The following SLC26A2 variants were observed in gnomAD, a reference collection of about 807,000 sequenced individuals.
SLC26A2 encodes the protein sulfate transporter.
A neutral mutation model predicts 41.1 loss-of-function variants in SLC26A2; 36 were observed. The ratio of observed to expected loss-of-function variants is 0.88; its 90% CI spans 0.67 to 1.16. SLC26A2 has a LOEUF of 1.16. SLC26A2 is among the 50% of genes most tolerant of loss of function. The pLI, the probability that SLC26A2 is intolerant of heterozygous loss-of-function variation, is 0.00. For synonymous variants in SLC26A2, 291 were observed against 311.6 expected (o/e 0.93, Z 0.70); for missense variants, 796 against 869.6 (o/e 0.92, Z 1.07).
chr5:149,978,112 T>C lies in SLC26A2; in HGVS notation c.460T>C (p.Leu154=). The C allele has an allele frequency of 6.2e-7, 1 of 1,603,338 alleles. No homozygotes were observed. Among genetic ancestry groups the C allele is most frequent in the Non-Finnish European group, 8.5e-7 (1 of 1,173,990 alleles). Residue 154 remains leucine (L), a synonymous_variant, in exon 2 of 3, where the codon TTG becomes CTG. Transcript: ENST00000286298. ...TTTTGCCAGCATCATTTATTTTCTCTTGGGTACCTCCCGTCACATCTCTGT... is the reference window on the plus strand; with the variant it reads ...TTTTGCCAGCATCATTTATTTTCTCCTGGGTACCTCCCGTCACATCTCTGT... The part of the protein sequence containing the change: ...SFFASIIYFL[L]GTSRHISVGI...
At chr5:149,963,082 ATATTTATT>A (rs141212500) in intron 1 of SLC26A2, among the ~76,000 whole-genome samples, 38 of 138,116 alleles carry the variant, frequency 2.8e-4, no homozygotes, top group South Asian at 1.8e-3. Context: ...CAGTGGTGCT[ATATTTATT>A]TATTTATTTA....
At chr5:149,979,423 T>G (rs993114669) in intron 2 of SLC26A2, among the ~76,000 whole-genome samples, 2 of 152,124 alleles carry the variant, frequency 1.3e-5, no homozygotes, top group African/African-American at 4.8e-5. Flanking sequence ...TATTTATTAT[T>G]TATTCATTTA....
Position 149,978,186 on chromosome 5 carries a change from A to G in SLC26A2, c.534A>G (p.Arg178=), listed in dbSNP as rs771009834. The change falls in exon 2 of 3, where the codon CGA becomes CGG. Residue 178 remains arginine, a synonymous_variant. Transcript: ENST00000286298. ...TTATGATTGGTGAGACAGTTGACCG[A>G]GAACTACAGAAAGCTGGCTATGACA... is the stretch of plus-strand genomic sequence containing the variant. ...LCLMIGETVD[R]ELQKAGYDNA... 1.2e-6 allele frequency: 2 copies of G among 1,613,026 alleles called. No homozygotes were observed. The highest frequency in any genetic ancestry group is 3.3e-5 in the Admixed American group (2 of 59,990).
chr5:149,975,358 T>C (rs1003469774), intron 1 of SLC26A2, among the ~76,000 whole-genome samples: 2 of 152,238 alleles, frequency 1.3e-5, no homozygotes, highest in Non-Finnish European at 2.9e-5. Context: ...TTACTTTCTA[T>C]GTGAATTTTT....
rs753193118 is a variant in SLC26A2, at chr5:149,977,944, T to C, written c.292T>C (p.Trp98Arg). The change falls in exon 2 of 3, where the codon TGG becomes CGG. Residue 98 changes from tryptophan to arginine, a missense_variant. Physicochemically the swap from Trp to Arg is moderately radical, Grantham distance 101. Coordinates refer to ENST00000286298, the MANE Select transcript of SLC26A2 (RefSeq NM_000112.4). Reference protein sequence around the residue: ...MILGFLPVLQWLPKYDLKKNI... With the variant: ...MILGFLPVLQRLPKYDLKKNI... ...TTTAGGTTTCCTTCCTGTTTTGCAG[T>C]GGCTCCCAAAATACGACCTAAAGAA... 21 of 1,614,120 alleles carry C rather than the reference T, an allele frequency of 1.3e-5. No individual in the cohort carries two copies. Among genetic ancestry groups the C allele is most frequent in the Non-Finnish European group, 1.6e-5 (19 of 1,180,038 alleles).
Position 149,982,045 on chromosome 5 carries a change from G to A in SLC26A2, c.*232G>A. 7.4e-6 allele frequency: 4 copies of A among 540,712 alleles called. No individual in the cohort carries two copies. Among genetic ancestry groups the A allele is most frequent in the South Asian group, 6.8e-5 (3 of 43,846 alleles). The allele number at this position is 540,712 out of a possible 1,614,324, so 33.5% of individuals were successfully genotyped here. ...TTTCAGGCTTTCTTGCAGATATGAA[G>A]TATTCTTGGAATGCAATAAGTATGT... On this transcript the variant is annotated 3_prime_UTR_variant, in exon 3 of 3. Transcript: ENST00000286298.
Position 149,977,958 on chromosome 5 carries a change from C to T in SLC26A2, c.306C>T (p.Tyr102=), listed in dbSNP as rs768809642. ...FLPVLQWLPK[Y]DLKKNILGDV... is the part of the protein sequence containing the mutation. ...CTGTTTTGCAGTGGCTCCCAAAATA[C>T]GACCTAAAGAAAAACATTTTAGGGG... The change falls in exon 2 of 3, where the codon TAC becomes TAT. Residue 102 remains tyrosine, a synonymous_variant. Transcript: ENST00000286298. 17 of 1,614,186 alleles carry T rather than the reference C, an allele frequency of 1.1e-5. No individual in the cohort carries two copies. Among genetic ancestry groups the T allele is most frequent in the Middle Eastern group, 1.6e-4 (1 of 6,062 alleles).
At position 149,981,108 on chromosome 5, in the gene SLC26A2, G is replaced by A; in HGVS notation, c.1515G>A (p.Trp505Ter). ...AATTTAGGGATCTTCCCAAAATGTG[G>A]AGTATTAGTAGAATGGATACAGTTA... ...LRKFRDLPKM[W>*]SISRMDTVIW... The change falls in exon 3 of 3, where the codon TGG becomes TGA. Residue 505 changes from tryptophan to a stop codon, truncating the protein, a stop_gained. Coordinates refer to ENST00000286298, the MANE Select transcript of SLC26A2 (RefSeq NM_000112.4). LOFTEE classifies it high-confidence loss of function. 1 of 1,614,168 alleles carries A rather than the reference G, an allele frequency of 6.2e-7. No homozygotes were observed. The highest frequency in any genetic ancestry group is 8.5e-7 in the Non-Finnish European group (1 of 1,180,004).
At chr5:149,980,226 CA>C (rs2113697548) in intron 2 of SLC26A2, 66 bp from the exon 3 acceptor site, 1 of 1,258,560 alleles carries the variant, frequency 7.9e-7, no homozygotes, top group East Asian at 2.3e-5. Flanking sequence ...CAAGAAATGT[CA>C]GGATAATATA....
chr5:149,963,913 C>T (rs1754758926), intron 1 of SLC26A2, among the ~76,000 whole-genome samples: 1 of 151,696 alleles, frequency 6.6e-6, no homozygotes. Context: ...TAGGAAGGGA[C>T]CGATTTATAT....
At chr5:149,965,928 C>G (rs1754798618) in intron 1 of SLC26A2, among the ~76,000 whole-genome samples, 1 of 152,088 alleles carries the variant, frequency 6.6e-6, no homozygotes, top group African/African-American at 2.4e-5. Context: ...TTTTTTGAGA[C>G]AGAGTCTTGT....
chr5:149,978,672 T>G (rs971758438), intron 2 of SLC26A2, among the ~76,000 whole-genome samples: 3 of 151,588 alleles, frequency 2.0e-5, no homozygotes, highest in African/African-American at 7.3e-5. Flanking sequence ...AGAATGGAGT[T>G]GAGAGTGCAG....
chr5:149,980,671 A>G lies in SLC26A2; in HGVS notation c.1078A>G (p.Ile360Val). ...ACTACATGAAAATTATAATTCTAGT[A>G]TTGCTGGACATATTCCCACTGGGTT... ...GKLHENYNSS[I>V]AGHIPTGFMP... The change falls in exon 3 of 3, where the codon ATT becomes GTT. Residue 360 changes from isoleucine to valine, a missense_variant. By Grantham distance (29) the Ile-to-Val change is conservative. Transcript: ENST00000286298. The G allele has an allele frequency of 6.2e-7, 1 of 1,614,072 alleles. No individual in the cohort carries two copies. The highest frequency in any genetic ancestry group is 1.1e-5 in the South Asian group (1 of 91,084).
intron 1 of SLC26A2, among the ~76,000 whole-genome samples, chr5:149,961,444 CCT>C (rs1391127397): frequency 1.3e-5 from 2 of 152,196 alleles, no homozygotes; most frequent in Non-Finnish European, 2.9e-5. Flanking sequence ...AAAATCAGGA[CCT>C]GTTCTTTCGG....
At chr5:149,977,043 C>A (rs1380462524) in intron 1 of SLC26A2, among the ~76,000 whole-genome samples, 1 of 152,238 alleles carries the variant, frequency 6.6e-6, no homozygotes, top group Non-Finnish European at 1.5e-5. Context: ...GACGCAAATG[C>A]ATTCTGCCCT....
chr5:149,969,481 C>T (rs533530130), intron 1 of SLC26A2, among the ~76,000 whole-genome samples: 82 of 152,240 alleles, frequency 5.4e-4, no homozygotes, highest in African/African-American at 1.9e-3. Flanking sequence ...TTTGCTGCTT[C>T]CTATCTTTCC....
chr5:149,969,537 T>TC (rs1561814345), intron 1 of SLC26A2, among the ~76,000 whole-genome samples: 1 of 152,246 alleles, frequency 6.6e-6, no homozygotes, highest in Non-Finnish European at 1.5e-5. Flanking sequence ...TTTTGTGTGA[T>TC]CCTTCTCAGA....
At chr5:149,977,036 G>A (rs1027709819) in intron 1 of SLC26A2, among the ~76,000 whole-genome samples, 1 of 152,184 alleles carries the variant, frequency 6.6e-6, no homozygotes, top group Non-Finnish European at 1.5e-5. Flanking sequence ...GTTCAAAGAC[G>A]CAAATGCATT....
chr5:149,973,637 A>G (rs1293486119), intron 1 of SLC26A2, among the ~76,000 whole-genome samples: 16 of 151,366 alleles, frequency 1.1e-4, no homozygotes, highest in East Asian at 5.8e-4. Context: ...TTTCTTTTTC[A>G]TATTTTATTT....
Sources: allele counts gnomAD v4.1 joint callset (sites outside exome capture counted in the v4.1 genomes callset), GRCh38; gene constraint gnomAD v4.1.1; transcripts MANE v1.5; gene names NCBI Gene and HGNC (gene_info 2026-07-23, HGNC 2026-07-21).